The following CTNNA1 variants were observed in gnomAD, a reference collection of about 807,000 sequenced individuals.
CTNNA1 encodes the protein catenin alpha-1.
A neutral mutation model predicts 98.4 loss-of-function variants in CTNNA1; 37 were observed. That is an observed-to-expected ratio of 0.38 (90% CI 0.29 to 0.49). CTNNA1 has a LOEUF of 0.49. Ranked by LOEUF, CTNNA1 falls within the 20% of genes least tolerant of loss-of-function variation. The probability of loss-of-function intolerance (pLI) is 0.95; values close to 1 mark genes in which losing one functional copy is unlikely to be tolerated. For missense variants in CTNNA1, 761 were observed against 1,147.2 expected (o/e 0.66, Z 4.86); for synonymous variants, 404 against 413.2 (o/e 0.98, Z 0.27).
At chr5:138,847,356 G>A (rs1762812901) in intron 7 of CTNNA1, among the ~76,000 whole-genome samples, 1 of 151,862 alleles carries the variant, frequency 6.6e-6, no homozygotes, top group Admixed American at 6.6e-5. Context: ...TAGAGATAGG[G>A]GTCTGGTTAC....
chr5:138,833,601 A>G (rs1005898926), intron 7 of CTNNA1, among the ~76,000 whole-genome samples: 3 of 152,320 alleles, frequency 2.0e-5, no homozygotes, highest in East Asian at 1.9e-4. Flanking sequence ...TAAAAATTAT[A>G]TGGGTGGTTT....
intron 13 of CTNNA1, among the ~76,000 whole-genome samples, chr5:138,927,935 T>G (rs1317568336): frequency 6.6e-6 from 1 of 151,960 alleles, no homozygotes; most frequent in Non-Finnish European, 1.5e-5. Flanking sequence ...TGCCACCGAG[T>G]CCATCGGCCT....
intron 1 of CTNNA1, among the ~76,000 whole-genome samples, chr5:138,773,021 A>G (rs1337152304): frequency 6.6e-6 from 1 of 152,242 alleles, no homozygotes; most frequent in Non-Finnish European, 1.5e-5. Context: ...GACTTAATCA[A>G]AAGTCAGAGG....
At chr5:138,909,721 A>T (rs765043286) in intron 10 of CTNNA1, among the ~76,000 whole-genome samples, 1 of 152,006 alleles carries the variant, frequency 6.6e-6, no homozygotes, top group Non-Finnish European at 1.5e-5. Flanking sequence ...GCCTCCCTAG[A>T]TTTATCTTCC....
At chr5:138,926,972 C>T (rs137975722) in intron 13 of CTNNA1, among the ~76,000 whole-genome samples, 69 of 152,348 alleles carry the variant, frequency 4.5e-4, no homozygotes, top group African/African-American at 1.6e-3. Context: ...TGCTCGGGCC[C>T]AGACCTCGAA....
At chr5:138,815,748 C>T (rs1759368305) in intron 5 of CTNNA1, among the ~76,000 whole-genome samples, 1 of 151,932 alleles carries the variant, frequency 6.6e-6, no homozygotes, top group African/African-American at 2.4e-5. Flanking sequence ...TATAGTAAGT[C>T]ATGAGTCATT....
chr5:138,832,838 A>G (rs17207681), intron 7 of CTNNA1, among the ~76,000 whole-genome samples: 11,147 of 152,274 alleles, frequency 0.073, 560 homozygotes, highest in Non-Finnish European at 0.1. Flanking sequence ...TTTCAAATAC[A>G]TAGCTGACTT....
chr5:138,798,039 T>C (rs1386640714), intron 3 of CTNNA1, among the ~76,000 whole-genome samples: 2 of 152,202 alleles, frequency 1.3e-5, no homozygotes, highest in Non-Finnish European at 2.9e-5. Flanking sequence ...CTTCAGCATT[T>C]AAAATTAAAA....
At chr5:138,932,088 T>A in intron 16 of CTNNA1, 1 of 986,158 alleles carries the variant, frequency 1.0e-6, no homozygotes, top group Non-Finnish European at 1.2e-6. Context: ...CTGCAGTGAG[T>A]GGCTTTTGTC....
intron 1 of CTNNA1, among the ~76,000 whole-genome samples, chr5:138,764,664 T>C (rs572115981): frequency 1.3e-5 from 2 of 151,138 alleles, no homozygotes; most frequent in Admixed American, 6.6e-5. Context: ...AGAGACGGGG[T>C]TTCTCCATGT....
At chr5:138,825,067 T>C (rs1241389598) in intron 6 of CTNNA1, among the ~76,000 whole-genome samples, 1 of 152,188 alleles carries the variant, frequency 6.6e-6, no homozygotes, top group Admixed American at 6.5e-5. Flanking sequence ...TTACTGAGGA[T>C]ATGGGTTTGG....
intron 5 of CTNNA1, among the ~76,000 whole-genome samples, chr5:138,814,314 T>A (rs933081391): frequency 6.6e-6 from 1 of 151,326 alleles, no homozygotes; most frequent in Non-Finnish European, 1.5e-5. Context: ...AATGGTGCAA[T>A]CTCGGCTCAC....
intron 5 of CTNNA1, among the ~76,000 whole-genome samples, chr5:138,819,865 G>T (rs553505299): frequency 8.0e-5 from 10 of 124,612 alleles, no homozygotes; most frequent in Non-Finnish European, 1.5e-4. Flanking sequence ...GGGCGGGGGG[G>T]TGAGTGGGGG....
chr5:138,824,388 T>C (rs1241188945), intron 5 of CTNNA1, 142 bp from the exon 6 acceptor site: 1 of 927,324 alleles, frequency 1.1e-6, no homozygotes, highest in Admixed American at 2.8e-5. Flanking sequence ...TTCTTTGTGA[T>C]TGACTCTCAA....
chr5:138,844,717 T>TA (rs903910304), intron 7 of CTNNA1, among the ~76,000 whole-genome samples: 2 of 152,210 alleles, frequency 1.3e-5, no homozygotes, highest in African/African-American at 2.4e-5. Context: ...ATGGAGATTT[T>TA]AAAAAATTAC....
intron 13 of CTNNA1, 125 bp downstream of exon 13, chr5:138,925,532 T>C: frequency 7.5e-7 from 1 of 1,326,916 alleles, no homozygotes; most frequent in Non-Finnish European, 1.0e-6. Flanking sequence ...ATCTAAAAGC[T>C]GTTAGAATGA....
intron 7 of CTNNA1, among the ~76,000 whole-genome samples, chr5:138,846,458 G>A (rs1156813359): frequency 2.6e-5 from 4 of 152,076 alleles, no homozygotes; most frequent in East Asian, 1.9e-4. Context: ...ATTTACATGC[G>A]TTTCACATGT....
intron 7 of CTNNA1, among the ~76,000 whole-genome samples, chr5:138,875,914 G>A (rs1305629622): frequency 1.3e-5 from 2 of 152,166 alleles, no homozygotes; most frequent in African/African-American, 4.8e-5. Flanking sequence ...AGGGGGAGGG[G>A]AAGCTTGCAA....
chr5:138,764,593 TC>T (rs1310027486), intron 1 of CTNNA1, among the ~76,000 whole-genome samples: 2 of 151,804 alleles, frequency 1.3e-5, no homozygotes, highest in African/African-American at 4.8e-5. Flanking sequence ...TGCCTTAGCC[TC>T]CCGAGTAGCT....
Sources: gnomAD v4.1 joint callset for allele counts (sites outside exome capture counted in the v4.1 genomes callset) on GRCh38, gnomAD v4.1.1 for gene constraint, MANE v1.5 for transcripts, NCBI Gene and HGNC (gene_info 2026-07-23, HGNC 2026-07-21) for gene names.